CTH: variants seen among roughly 807,000 people sequenced by gnomAD.
The protein encoded by CTH is cystathionase (cystathionine gamma-lyase).
A neutral mutation model predicts 50.6 loss-of-function variants in CTH; 41 were observed. The ratio of observed to expected loss-of-function variants is 0.81; its 90% CI spans 0.63 to 1.05. CTH has a LOEUF of 1.05. Ranked by LOEUF, CTH falls within the 50% of genes least tolerant of loss-of-function variation. The probability of loss-of-function intolerance (pLI) is 0.00; values close to 1 mark genes in which losing one functional copy is unlikely to be tolerated. For missense variants in CTH, 470 were observed against 492.6 expected (o/e 0.95, Z 0.43); for synonymous variants, 156 against 168.9 (o/e 0.92, Z 0.59).
intron 5 of CTH, among the ~76,000 whole-genome samples, chr1:70,424,901 C>G (rs1684313950): frequency 6.6e-6 from 1 of 151,992 alleles, no homozygotes; most frequent in Admixed American, 6.6e-5. Context: ...TGCACTCCAG[C>G]CTGGGTGACA....
chr1:70,419,263 G>A (rs934365034), intron 3 of CTH, among the ~76,000 whole-genome samples: 1 of 151,980 alleles, frequency 6.6e-6, no homozygotes, highest in African/African-American at 2.4e-5. Context: ...TTGCTATTGC[G>A]AATAGTGCCG....
At chr1:70,433,259 A>G (rs1429793463) in intron 8 of CTH, among the ~76,000 whole-genome samples, 1 of 152,218 alleles carries the variant, frequency 6.6e-6, no homozygotes, top group Admixed American at 6.5e-5. Context: ...ATATGAAACT[A>G]AATGCCCTAA....
intron 5 of CTH, 89 bp downstream of exon 5, chr1:70,424,505 G>T (rs1684303161): frequency 1.3e-6 from 2 of 1,588,212 alleles, no homozygotes; most frequent in East Asian, 2.3e-5. Context: ...TTAAAATCAT[G>T]ATCAAATTCA....
intron 10 of CTH, among the ~76,000 whole-genome samples, chr1:70,437,376 CT>C (rs1217988913): frequency 6.6e-6 from 1 of 152,064 alleles, no homozygotes; most frequent in East Asian, 1.9e-4. Context: ...TGTGACAAAC[CT>C]TTAAGACAGG....
At chr1:70,426,286 A>G (rs1169922772) in intron 5 of CTH, among the ~76,000 whole-genome samples, 1 of 152,056 alleles carries the variant, frequency 6.6e-6, no homozygotes, top group Admixed American at 6.6e-5. Flanking sequence ...TTTCCTTGTT[A>G]GGAGATACCT....
intron 10 of CTH, among the ~76,000 whole-genome samples, chr1:70,438,240 G>C (rs564922660): frequency 1.3e-5 from 2 of 152,306 alleles, no homozygotes; most frequent in South Asian, 4.1e-4. Flanking sequence ...GCCTCAGAAG[G>C]TCTAGCTCTG....
intron 3 of CTH, among the ~76,000 whole-genome samples, chr1:70,421,072 G>A (rs1313516998): frequency 6.6e-6 from 1 of 152,084 alleles, no homozygotes; most frequent in Non-Finnish European, 1.5e-5. Context: ...AAATCTGGTA[G>A]TTTGATTTAT....
At position 70,439,271 on chromosome 1, in the gene CTH, A is replaced by T. The variant is rs190964366; in HGVS notation, c.*144A>T. 1 of 750,698 alleles carries T rather than the reference A, an allele frequency of 1.3e-6. No homozygotes were observed. Among genetic ancestry groups the T allele is most frequent in the East Asian group, 2.6e-5 (1 of 38,822 alleles). 46.5% of individuals were successfully genotyped at this position (750,698 alleles called of 1,614,324 possible). ...TATCTTTCATAACTGTAATTTTCTT[A>T]GGGATCATCTCTGTTAAAAAGTTTT... is the stretch of plus-strand genomic sequence containing the variant. On this transcript the variant is annotated 3_prime_UTR_variant, in exon 12 of 12. Transcript: ENST00000370938.
intron 6 of CTH, 111 bp downstream of exon 6, chr1:70,429,962 T>G (rs535579117): frequency 7.7e-6 from 6 of 778,148 alleles, no homozygotes; most frequent in South Asian, 4.7e-5. Context: ...CTGTGACTCA[T>G]AGAGAGAGTA....
chr1:70,419,399 A>G (rs1684164590), intron 3 of CTH, among the ~76,000 whole-genome samples: 1 of 152,190 alleles, frequency 6.6e-6, no homozygotes, highest in Middle Eastern at 3.2e-3. Flanking sequence ...GAATCACCAC[A>G]CTGACTTCTA....
In CTH at chr1:70,432,107, T is replaced by C. The variant is rs1684487602; in HGVS notation, c.749T>C (p.Ile250Thr). ...GCTCTTGGAGCAGTTCCATCTCCTA[T>C]TGATTGTTACCTCTGCAATCGAGGT... ...QNSLGAVPSP[I>T]DCYLCNRGLK... Residue 250 changes from isoleucine (I) to threonine (T), a missense_variant, in exon 8 of 12, where the codon ATT becomes ACT. Coordinates refer to ENST00000370938, the MANE Select transcript of CTH (RefSeq NM_001902.6). 7.4e-6 allele frequency: 12 copies of C among 1,614,018 alleles called. No homozygotes were observed. The highest frequency in any genetic ancestry group is 1.3e-5 in the African/African-American group (1 of 74,934).
At chr1:70,414,674 C>T (rs1430654626) in intron 1 of CTH, among the ~76,000 whole-genome samples, 1 of 152,120 alleles carries the variant, frequency 6.6e-6, no homozygotes, top group Non-Finnish European at 1.5e-5. Context: ...AATTAATGTT[C>T]GAATCCTTGG....
At chr1:70,420,989 G>A (rs1180745203) in intron 3 of CTH, among the ~76,000 whole-genome samples, 1 of 151,844 alleles carries the variant, frequency 6.6e-6, no homozygotes, top group African/African-American at 2.4e-5. Flanking sequence ...AAGTTTTTAT[G>A]TGTAAAAATC....
At position 70,411,437 on chromosome 1, in the gene CTH, T is replaced by C. The variant is rs778583899; in HGVS notation, c.22T>C (p.Ser8Pro). Residue 8 changes from serine (S) to proline (P), a missense_variant, in exon 1 of 12, where the codon TCA (serine) becomes CCA (proline). Coordinates refer to ENST00000370938, the MANE Select transcript of CTH (RefSeq NM_001902.6). Reference sequence around the variant, plus strand: ...CAGCATGCAGGAAAAAGACGCCTCCTCACAAGGTTTCCTGCCACACTTCCA... The same window carrying C: ...CAGCATGCAGGAAAAAGACGCCTCCCCACAAGGTTTCCTGCCACACTTCCA... MQEKDAS[S>P]QGFLPHFQHF... 4 of 1,614,154 alleles carry C rather than the reference T, an allele frequency of 2.5e-6. No homozygotes were observed. The highest frequency in any genetic ancestry group is 3.4e-6 in the Non-Finnish European group (4 of 1,179,982).
chr1:70,418,085 A>G, intron 3 of CTH, 53 bp downstream of exon 3: 1 of 1,585,726 alleles, frequency 6.3e-7, no homozygotes, highest in Non-Finnish European at 8.7e-7. Flanking sequence ...ACAGATAATA[A>G]AGTGAGCCCT....
At chr1:70,415,069 T>C (rs1684061635) in intron 1 of CTH, among the ~76,000 whole-genome samples, 1 of 152,164 alleles carries the variant, frequency 6.6e-6, no homozygotes, top group Non-Finnish European at 1.5e-5. Flanking sequence ...TGTTGAGCAT[T>C]GGTAGGATGT....
rs1233852659 is a variant in CTH at position 70,430,409 on chromosome 1, G to T, written c.724+15G>T. On this transcript the variant is annotated intron_variant, in intron 7 of 11. Transcript: ENST00000370938. ...CTTGCAAAACTGTAAGTATTAAAAA[G>T]TGCAGGTTCCCTATGACACTCTCAG... The T allele has an allele frequency of 2.2e-6, 3 of 1,375,142 alleles. No homozygotes were observed. Among genetic ancestry groups the T allele is most frequent in the Admixed American group, 1.7e-5 (1 of 59,700 alleles). The allele number at this position is 1,375,142 out of a possible 1,614,324, so 85.2% of individuals were successfully genotyped here.
chr1:70,437,543 A>G (rs181373623), intron 10 of CTH, among the ~76,000 whole-genome samples: 17 of 152,292 alleles, frequency 1.1e-4, no homozygotes, highest in Admixed American at 6.5e-5. Flanking sequence ...ATAAGGCCAC[A>G]TAGGCAGTAT....
intron 5 of CTH, among the ~76,000 whole-genome samples, chr1:70,425,662 T>C (rs1372605084): frequency 1.3e-5 from 2 of 152,156 alleles, no homozygotes; most frequent in African/African-American, 4.8e-5. Context: ...CTTACAATAA[T>C]GGCAGAAGGC....
Sources: gnomAD v4.1 joint callset for allele counts (sites outside exome capture counted in the v4.1 genomes callset) on GRCh38, gnomAD v4.1.1 for gene constraint, MANE v1.5 for transcripts, NCBI Gene and HGNC (gene_info 2026-07-23, HGNC 2026-07-21) for gene names.